GOLGA5: variants seen among roughly 807,000 people sequenced by gnomAD.
GOLGA5 encodes the protein golgin subfamily A member 5.
GOLGA5 carries 50 observed loss-of-function variants against 93.5 expected under a neutral mutation model. The observed-to-expected ratio is 0.53, with a 90% CI of 0.43 to 0.68. The LOEUF (loss-of-function observed/expected upper bound fraction) is 0.68. Among genes scored for constraint, GOLGA5 ranks in the 30% least tolerant of loss-of-function variants. The pLI is 0.00. For missense variants in GOLGA5, 760 were observed against 856.4 expected, an observed-to-expected ratio of 0.89 and a Z score of 1.40; for synonymous variants, 312 against 304.5, an observed-to-expected ratio of 1.02 and a Z score of -0.26.
intron 9 of GOLGA5, among the ~76,000 whole-genome samples, chr14:92,826,417 G>GT (rs1305171909): frequency 6.6e-6 from 1 of 151,966 alleles, no homozygotes; most frequent in Non-Finnish European, 1.5e-5. Flanking sequence ...CAGTTTGAAT[G>GT]TTTTTTCATT....
intron 2 of GOLGA5, among the ~76,000 whole-genome samples, chr14:92,804,275 G>A (rs912955447): frequency 7.9e-5 from 12 of 151,130 alleles, no homozygotes; most frequent in East Asian, 1.9e-4. Context: ...TGTATTGCCC[G>A]GGCTGGTCTC....
chr14:92,809,457 A>G lies in GOLGA5; in HGVS notation c.930A>G (p.Glu310=), dbSNP rs779977199. ...QLAVLKVRLQ[E]ADQLLSTRTE... ...CTGTACTGAAAGTGAGACTCCAGGAAGCTGACCAGCTACTGAGTACTCGCA... is the reference window on the plus strand; with the variant it reads ...CTGTACTGAAAGTGAGACTCCAGGAGGCTGACCAGCTACTGAGTACTCGCA... The change falls in exon 4 of 13, where the codon GAA becomes GAG. Residue 310 remains glutamate, a synonymous_variant. Coordinates refer to ENST00000163416, the MANE Select transcript of GOLGA5 (RefSeq NM_005113.4). 3 of 1,613,994 alleles carry G rather than the reference A, an allele frequency of 1.9e-6. No individual in the cohort carries two copies. The highest frequency in any genetic ancestry group is 2.5e-6 in the Non-Finnish European group (3 of 1,180,000).
intron 9 of GOLGA5, 122 bp downstream of exon 9, chr14:92,824,766 A>G (rs926978683): frequency 1.7e-6 from 1 of 595,248 alleles, no homozygotes; most frequent in African/African-American, 1.9e-5. Context: ...CAGTGGTGAC[A>G]AAAGTTCTTT....
At chr14:92,799,331 C>T (rs1485004787) in intron 2 of GOLGA5, among the ~76,000 whole-genome samples, 1 of 144,136 alleles carries the variant, frequency 6.9e-6, no homozygotes, top group African/African-American at 2.7e-5. Flanking sequence ...GGCTGGAGTG[C>T]AGTGGCCTGA....
chr14:92,819,185 C>T (rs1022698097), intron 7 of GOLGA5, among the ~76,000 whole-genome samples: 2 of 152,170 alleles, frequency 1.3e-5, no homozygotes, highest in African/African-American at 4.8e-5. Context: ...TGCCGATACT[C>T]GTGAAACCAC....
At chr14:92,813,876 G>A (rs1267065732) in intron 6 of GOLGA5, among the ~76,000 whole-genome samples, 2 of 152,070 alleles carry the variant, frequency 1.3e-5, no homozygotes, top group African/African-American at 2.4e-5. Flanking sequence ...TGGCAGGCAG[G>A]GGACAGCTAA....
chr14:92,830,886 C>G (rs979983786), intron 9 of GOLGA5, among the ~76,000 whole-genome samples: 2 of 152,292 alleles, frequency 1.3e-5, no homozygotes, highest in African/African-American at 4.8e-5. Flanking sequence ...ACACGTGAGT[C>G]ACCACACCTG....
chr14:92,828,760 T>G (rs1566960193), intron 9 of GOLGA5, among the ~76,000 whole-genome samples: 2 of 151,224 alleles, frequency 1.3e-5, no homozygotes, highest in Non-Finnish European at 2.9e-5. Flanking sequence ...CCTCTGCCTC[T>G]TGGGTTCAAG....
At chr14:92,814,646 G>A (rs1369888316) in intron 6 of GOLGA5, among the ~76,000 whole-genome samples, 5 of 151,906 alleles carry the variant, frequency 3.3e-5, no homozygotes, top group Admixed American at 6.6e-5. Context: ...GTTTGAAGAA[G>A]GAAATGGAAA....
In GOLGA5 at chr14:92,833,315, C is replaced by T. The variant is rs1311369172; in HGVS notation, c.1913C>T (p.Ser638Leu). 7 of 1,610,412 alleles carry T rather than the reference C, an allele frequency of 4.3e-6. No homozygotes were observed. The African/African-American group carries it at 5.4e-5, about 12-fold the overall frequency. The change falls in exon 10 of 13, where the codon TCG becomes TTG. Residue 638 changes from serine (S) to leucine (L), a missense_variant. By Grantham distance (145) the Ser-to-Leu change is moderately radical (BLOSUM62 -2). Transcript: ENST00000163416. ...SASGSSSNGS[S>L]INMSGIDNGE... Reference sequence around the variant, plus strand: ...TCTGGAAGTAGTAGTAATGGGTCTTCGATTAATATGTCTGGAATTGACAAT... The same window carrying T: ...TCTGGAAGTAGTAGTAATGGGTCTTTGATTAATATGTCTGGAATTGACAAT...
chr14:92,819,620 ACT>A lies in GOLGA5; in HGVS notation c.1492-85_1492-84del, dbSNP rs1353390855. On this transcript the variant is annotated intron_variant, in intron 7 of 12. Transcript: ENST00000163416. ...TGCACTCCAGCCTGGGTGACGTGAGACTCTGATTCTTAAAAAAGAAAAATTGC... is the reference window on the plus strand; with the variant it reads ...TGCACTCCAGCCTGGGTGACGTGAGACTGATTCTTAAAAAAGAAAAATTGC... The A allele has an allele frequency of 4.6e-6, 6 of 1,290,628 alleles. No homozygotes were observed. The East Asian group carries it at 1.4e-4, about 31-fold the overall frequency. The allele number at this position is 1,290,628 out of a possible 1,614,324, so 79.9% of individuals were successfully genotyped here.
chr14:92,819,763 A>G lies in GOLGA5; in HGVS notation c.1547A>G (p.Asp516Gly). 6.2e-7 allele frequency: 1 copy of G among 1,613,768 alleles called. No individual in the cohort carries two copies. Among genetic ancestry groups the G allele is most frequent in the Non-Finnish European group, 8.5e-7 (1 of 1,179,610 alleles). ...GAATCAGCAAGAGAACAGTTACAGG[A>G]TCTGCATGACCAAATAGCTGGGCAG... ...EAESAREQLQ[D>G]LHDQIAGQKA... The change falls in exon 8 of 13, where the codon GAT becomes GGT. Residue 516 changes from aspartate to glycine, a missense_variant. Transcript: ENST00000163416.
At chr14:92,795,190 C>T (rs1884698041) in intron 1 of GOLGA5, among the ~76,000 whole-genome samples, 1 of 152,162 alleles carries the variant, frequency 6.6e-6, no homozygotes, top group Admixed American at 6.5e-5. Flanking sequence ...CCTCCCCGCT[C>T]GGCCTCCCAG....
intron 9 of GOLGA5, among the ~76,000 whole-genome samples, chr14:92,827,227 T>C (rs1292426400): frequency 6.6e-6 from 1 of 152,260 alleles, no homozygotes; most frequent in African/African-American, 2.4e-5. Flanking sequence ...TACTGCATTT[T>C]TACCAAATTG....
intron 9 of GOLGA5, among the ~76,000 whole-genome samples, chr14:92,829,243 G>T (rs1885479858): frequency 6.6e-6 from 1 of 152,144 alleles, no homozygotes; most frequent in African/African-American, 2.4e-5. Flanking sequence ...GATTACAGGA[G>T]TGAGCCACTG....
chr14:92,829,527 G>A (rs527616930), intron 9 of GOLGA5, among the ~76,000 whole-genome samples: 4 of 152,160 alleles, frequency 2.6e-5, no homozygotes, highest in Non-Finnish European at 4.4e-5. Context: ...TAGAAATAGC[G>A]AGAGAACTAG....
intron 9 of GOLGA5, among the ~76,000 whole-genome samples, chr14:92,831,580 G>A (rs754338747): frequency 1.1e-4 from 16 of 152,202 alleles, no homozygotes; most frequent in Middle Eastern, 3.4e-3. Flanking sequence ...TGACTATACC[G>A]TCAAACATTT....
intron 5 of GOLGA5, among the ~76,000 whole-genome samples, chr14:92,811,118 TA>T (rs1164368553): frequency 6.6e-6 from 1 of 152,268 alleles, no homozygotes; most frequent in African/African-American, 2.4e-5. Flanking sequence ...TATTTTACAT[TA>T]TTTTTTGAAT....
rs200288795 is a variant in GOLGA5, at chr14:92,811,591, G to A, written c.1157G>A (p.Arg386His). 4.3e-5 allele frequency: 70 copies of A among 1,613,272 alleles called. 1 individual carries two copies. Among genetic ancestry groups the A allele is most frequent in the East Asian group, 4.2e-4 (19 of 44,882 alleles). The change falls in exon 6 of 13, where the codon CGT (arginine) becomes CAT (histidine). Residue 386 changes from arginine to histidine, a missense_variant. Physicochemically the swap from Arg to His is conservative, Grantham distance 29 (BLOSUM62 0). Transcript: ENST00000163416. ...AARLNKVEME[R>H]QNLAEAITLA... ...CGCCTTAATAAAGTGGAAATGGAAC[G>A]TCAGAATTTAGCAGAAGCAATTACA...
Sources: gnomAD v4.1 joint callset for allele counts (sites outside exome capture counted in the v4.1 genomes callset) on GRCh38, gnomAD v4.1.1 for gene constraint, MANE v1.5 for transcripts, NCBI Gene and HGNC (gene_info 2026-07-23, HGNC 2026-07-21) for gene names.